RALGAPA1: variants seen among roughly 807,000 people sequenced by gnomAD.
RALGAPA1 encodes ral GTPase-activating protein subunit alpha-1.
RALGAPA1 carries 52 observed loss-of-function variants against 269.6 expected under a neutral mutation model. The observed-to-expected ratio is 0.19, with a 90% CI of 0.15 to 0.24. The LOEUF (loss-of-function observed/expected upper bound fraction) is 0.24, where lower values mean the gene tolerates loss of function less well. RALGAPA1 is among the 10% of genes least tolerant of loss of function. RALGAPA1 has a pLI of 1.00. For missense variants in RALGAPA1, 1,917 were observed against 3,013.9 expected (o/e 0.64, Z 8.52); for synonymous variants, 817 against 1,008.3 (o/e 0.81, Z 3.60).
intron 17 of RALGAPA1, 83 bp downstream of exon 17, chr14:35,700,079 A>G: frequency 8.2e-7 from 1 of 1,225,836 alleles, no homozygotes; most frequent in Non-Finnish European, 1.1e-6. Flanking sequence ...AACTTTAAAG[A>G]GTTTATTTGA....
chr14:35,768,774 C>T (rs896159965), intron 4 of RALGAPA1, among the ~76,000 whole-genome samples: 7 of 151,512 alleles, frequency 4.6e-5, no homozygotes, highest in African/African-American at 1.5e-4. Context: ...TTTGGGAGGC[C>T]GAGGTGGGCG....
intron 36 of RALGAPA1, among the ~76,000 whole-genome samples, chr14:35,597,297 G>C (rs10135673): frequency 0.34 from 52,397 of 152,006 alleles, 12,502 homozygotes; most frequent in African/African-American, 0.67. Context: ...CATAGCCTTT[G>C]AAATATAGTA....
chr14:35,800,058 C>T (rs2076861228), intron 1 of RALGAPA1, among the ~76,000 whole-genome samples: 1 of 152,136 alleles, frequency 6.6e-6, no homozygotes, highest in South Asian at 2.1e-4. Context: ...AAGGTTTAGG[C>T]AGCTAATGAC....
chr14:35,563,438 G>C (rs1013124284), intron 39 of RALGAPA1, among the ~76,000 whole-genome samples: 3 of 152,154 alleles, frequency 2.0e-5, no homozygotes, highest in African/African-American at 7.2e-5. Flanking sequence ...CTGGGCGTCA[G>C]TGTGGTAGGA....
intron 10 of RALGAPA1, among the ~76,000 whole-genome samples, chr14:35,742,837 T>C (rs2071693073): frequency 6.7e-6 from 1 of 149,096 alleles, no homozygotes; most frequent in Non-Finnish European, 1.5e-5. Context: ...CTGAAATAAA[T>C]GTGAGCTATA....
chr14:35,709,831 A>G (rs2068138932), intron 16 of RALGAPA1, among the ~76,000 whole-genome samples: 1 of 152,154 alleles, frequency 6.6e-6, no homozygotes, highest in Non-Finnish European at 1.5e-5. Flanking sequence ...TTTAATCTCC[A>G]AGTATTTTAG....
Position 35,712,652 on chromosome 14 carries a change from A to T in RALGAPA1, c.2266+9036T>A, listed in dbSNP as rs186662740. Among the ~76,000 whole-genome samples, 802 of 152,272 alleles carry T rather than the reference A, an allele frequency of 5.3e-3. 1 individual carries two copies. Among genetic ancestry groups the T allele is most frequent in the African/African-American group, 0.018 (734 of 41,544 alleles). On this transcript the variant is annotated intron_variant, in intron 16 of 41. Coordinates refer to ENST00000680220, the MANE Select transcript of RALGAPA1 (RefSeq NM_001346249.2). Reference sequence around the variant, plus strand: ...TTCTCCTGACAAGCTGACTACAGGCACGCGCCACTGCACCCAGCACATTTT... The same window carrying T: ...TTCTCCTGACAAGCTGACTACAGGCTCGCGCCACTGCACCCAGCACATTTT...
At chr14:35,587,684 C>T (rs561953790) in intron 37 of RALGAPA1, among the ~76,000 whole-genome samples, 53 of 142,738 alleles carry the variant, frequency 3.7e-4, no homozygotes, top group Non-Finnish European at 6.1e-4. Context: ...ACCTTGGACA[C>T]AGGGTGGGGA....
chr14:35,571,377 A>AT (rs71445945), intron 38 of RALGAPA1, among the ~76,000 whole-genome samples: 64 of 134,058 alleles, frequency 4.8e-4, no homozygotes, highest in South Asian at 2.8e-3. Flanking sequence ...ATATTCTTCA[A>AT]TTTTTTTTTT....
intron 1 of RALGAPA1, among the ~76,000 whole-genome samples, chr14:35,805,788 G>A (rs2077329596): frequency 1.3e-5 from 2 of 150,452 alleles, no homozygotes; most frequent in Non-Finnish European, 3.0e-5. Context: ...AGGTTCACGC[G>A]ATTCTCCTGC....
intron 31 of RALGAPA1, among the ~76,000 whole-genome samples, chr14:35,650,492 C>T (rs1256698943): frequency 6.6e-6 from 1 of 152,186 alleles, no homozygotes; most frequent in East Asian, 1.9e-4. Context: ...GCTAAACAAT[C>T]TGTTCAAATG....
intron 12 of RALGAPA1, among the ~76,000 whole-genome samples, chr14:35,737,875 T>C (rs570027205): frequency 7.0e-6 from 1 of 142,748 alleles, no homozygotes; most frequent in African/African-American, 2.6e-5. Flanking sequence ...TCACCTGAGG[T>C]CAGGAGGTTC....
chr14:35,600,919 T>C lies in RALGAPA1; in HGVS notation c.7053+4667A>G, dbSNP rs147663911. Among the ~76,000 whole-genome samples, 1,140 of 152,340 alleles carry C rather than the reference T, an allele frequency of 7.5e-3. 17 individuals are homozygous for C. The highest frequency in any genetic ancestry group is 0.026 in the African/African-American group (1,083 of 41,574). On this transcript the variant is annotated intron_variant, in intron 36 of 41. Coordinates refer to ENST00000680220, the MANE Select transcript of RALGAPA1 (RefSeq NM_001346249.2). Reference sequence around the variant, plus strand: ...CATTTTCATAAGACTCTGGATCTTATTTAAAATTCCTGTTTTAGCTGGTTG... The same window carrying C: ...CATTTTCATAAGACTCTGGATCTTACTTAAAATTCCTGTTTTAGCTGGTTG...
chr14:35,674,946 C>CTACTCA (rs1491002503), intron 22 of RALGAPA1, among the ~76,000 whole-genome samples: 2 of 152,072 alleles, frequency 1.3e-5, no homozygotes, highest in East Asian at 3.9e-4. Flanking sequence ...TATGTAACTA[C>CTACTCA]TACTCACTCT....
chr14:35,586,340 A>G (rs2058286931), intron 37 of RALGAPA1, among the ~76,000 whole-genome samples: 1 of 152,182 alleles, frequency 6.6e-6, no homozygotes, highest in African/African-American at 2.4e-5. Flanking sequence ...CAGCTTAAGG[A>G]GATTTTGGGC....
intron 1 of RALGAPA1, among the ~76,000 whole-genome samples, chr14:35,801,698 T>C (rs192929325): frequency 1.3e-5 from 2 of 152,120 alleles, no homozygotes; most frequent in Non-Finnish European, 2.9e-5. Context: ...AAATCCAACA[T>C]CCATTCCTGA....
intron 35 of RALGAPA1, among the ~76,000 whole-genome samples, chr14:35,611,315 A>G (rs1423356726): frequency 6.6e-6 from 1 of 152,092 alleles, no homozygotes; most frequent in African/African-American, 2.4e-5. Flanking sequence ...CATTCTGGCC[A>G]ACATGGTGAA....
intron 41 of RALGAPA1, 41 bp downstream of exon 41, chr14:35,548,467 G>A: frequency 6.8e-7 from 1 of 1,461,438 alleles, no homozygotes; most frequent in Non-Finnish European, 9.3e-7. Context: ...AAAGGAAATG[G>A]GAGAAGAACA....
At chr14:35,593,172 A>C (rs1369908826) in intron 37 of RALGAPA1, among the ~76,000 whole-genome samples, 1 of 152,200 alleles carries the variant, frequency 6.6e-6, no homozygotes, top group African/African-American at 2.4e-5. Context: ...ATACAAAATC[A>C]ACATACAAAA....
Sources: gnomAD v4.1 joint callset for allele counts (sites outside exome capture counted in the v4.1 genomes callset) on GRCh38, gnomAD v4.1.1 for gene constraint, MANE v1.5 for transcripts, NCBI Gene and HGNC (gene_info 2026-07-23, HGNC 2026-07-21) for gene names.